Variants in AMN1 observed in about 807,000 individuals in gnomAD.
The protein encoded by AMN1 is protein AMN1 homolog.
AMN1 carries 20 observed loss-of-function variants against 33.0 expected under a neutral mutation model. The ratio of observed to expected loss-of-function variants is 0.61; its 90% confidence interval spans 0.43 to 0.88. The LOEUF is 0.88. AMN1 is among the 40% of genes least tolerant of loss of function. AMN1 has a pLI of 0.00. For synonymous variants in AMN1, 114 were observed against 111.9 expected (o/e 1.02, Z -0.12); for missense variants, 246 against 307.4 (o/e 0.80, Z 1.49).
chr12:31,712,600 C>A (rs11051543), intron 1 of AMN1, among the ~76,000 whole-genome samples: 1 of 151,856 alleles, frequency 6.6e-6, no homozygotes, highest in South Asian at 2.1e-4. Context: ...ATGTATTATA[C>A]CACATTTTCT....
intron 3 of AMN1, among the ~76,000 whole-genome samples, chr12:31,700,605 C>G (rs538264711): frequency 1.3e-5 from 2 of 151,788 alleles, no homozygotes. Context: ...ATGAACTGGT[C>G]ATTTCTTCTT....
chr12:31,705,914 T>A (rs1939215605), intron 2 of AMN1, among the ~76,000 whole-genome samples: 1 of 152,086 alleles, frequency 6.6e-6, no homozygotes, highest in South Asian at 2.1e-4. Context: ...CAAGTTCCAT[T>A]CTATAAAATC....
chr12:31,689,733 C>T (rs1217063328), intron 5 of AMN1, among the ~76,000 whole-genome samples: 1 of 152,154 alleles, frequency 6.6e-6, no homozygotes, highest in Non-Finnish European at 1.5e-5. Flanking sequence ...CCCAAATGTC[C>T]ATCAAATGAT....
chr12:31,706,176 G>A (rs1939228101), intron 2 of AMN1, among the ~76,000 whole-genome samples: 1 of 151,888 alleles, frequency 6.6e-6, no homozygotes, highest in Non-Finnish European at 1.5e-5. Flanking sequence ...GCTGGGTGTG[G>A]TGGCGGGCGC....
At chr12:31,681,110 A>C (rs2139658589) in intron 6 of AMN1, among the ~76,000 whole-genome samples, 1 of 152,310 alleles carries the variant, frequency 6.6e-6, no homozygotes, top group East Asian at 1.9e-4. Flanking sequence ...AAATTTCTTC[A>C]GCTTTTTTCT....
At position 31,682,501 on chromosome 12, in the gene AMN1, A is replaced by C. The variant is rs566208159; in HGVS notation, c.703+6506T>G. ...TGTGTCATGACGTTGTTTAGCAGCA[A>C]GATCGGCGGGGCGGGTGGGGGGGTG... is the stretch of plus-strand genomic sequence containing the variant. On this transcript the variant is annotated intron_variant, in intron 6 of 6. Transcript: ENST00000281471. Among the ~76,000 whole-genome samples the C allele has an allele frequency of 1.3e-3, 59 of 44,224 alleles. 1 individual carries two copies. Among genetic ancestry groups the C allele is most frequent in the African/African-American group, 4.6e-3 (54 of 11,650 alleles). 29.0% of individuals were successfully genotyped at this position (44,224 alleles called of 152,430 possible). A position where few individuals can be genotyped will look rare whatever the true frequency, so the allele number is the denominator to read the frequency against.
At position 31,672,203 on chromosome 12, in the gene AMN1, A is replaced by G; in HGVS notation, c.*101T>C. ...TAACTTAAGACAATAAAATAATTAAAAATAGTGTTAACATTAAGTAGAATG... is the reference window on the plus strand; with the variant it reads ...TAACTTAAGACAATAAAATAATTAAGAATAGTGTTAACATTAAGTAGAATG... On this transcript the variant is annotated 3_prime_UTR_variant, in exon 7 of 7. Coordinates refer to ENST00000281471, the MANE Select transcript of AMN1 (RefSeq NM_001113402.2). The G allele has an allele frequency of 1.3e-6, 1 of 768,884 alleles. No individual in the cohort carries two copies. Among genetic ancestry groups the G allele is most frequent in the South Asian group, 1.7e-5 (1 of 59,794 alleles). The allele number at this position is 768,884 out of a possible 1,614,324, so 47.6% of individuals were successfully genotyped here. A position where few individuals can be genotyped will look rare whatever the true frequency, so the allele number is the denominator to read the frequency against.
chr12:31,671,234 A>C lies in AMN1; in HGVS notation c.*1070T>G, dbSNP rs1565754823. The stretch of plus-strand genomic sequence containing the variant: ...CCTTACCCATTTTGCACATATATAC[A>C]TATGCACCACCTTTGCAGTGGCAAC... On this transcript the variant is annotated 3_prime_UTR_variant, in exon 7 of 7. Transcript: ENST00000281471. 1.3e-5 allele frequency: 2 copies of C among 152,234 alleles called. No individual in the cohort carries two copies. The highest frequency in any genetic ancestry group is 2.9e-5 in the Non-Finnish European group (2 of 68,042). 9.4% of individuals were successfully genotyped at this position (152,234 alleles called of 1,614,324 possible). A position where few individuals can be genotyped will look rare whatever the true frequency, so the allele number is the denominator to read the frequency against.
At chr12:31,697,311 A>G in intron 5 of AMN1, 50 bp downstream of exon 5, 1 of 1,506,064 alleles carries the variant, frequency 6.6e-7, no homozygotes, top group Non-Finnish European at 9.2e-7. Context: ...ATAATTTCTA[A>G]GAATATAAAA....
chr12:31,692,468 CG>C (rs1486321739), intron 5 of AMN1, among the ~76,000 whole-genome samples: 3 of 146,112 alleles, frequency 2.1e-5, no homozygotes, highest in African/African-American at 5.0e-5. Context: ...AAAAAACAAA[CG>C]AAAAAAAACA....
rs1026066190 is a variant in AMN1 at position 31,683,448 on chromosome 12, T to C, written c.703+5559A>G. ...TTACTTTTTAAAAGAATGATTGATA[T>C]GGTTTGACTGTGTCGCCACCCAAAT... On this transcript the variant is annotated intron_variant, in intron 6 of 6. Transcript: ENST00000281471. This position sits in a 1 kb window ranked among gnomAD's most constrained non-coding sequence, Gnocchi z 4.1. Among the ~76,000 whole-genome samples the C allele has an allele frequency of 6.6e-6, 1 of 152,228 alleles. No homozygotes were observed. The highest frequency in any genetic ancestry group is 1.5e-5 in the Non-Finnish European group (1 of 68,046).
At chr12:31,679,078 G>A (rs1055151724) in intron 6 of AMN1, among the ~76,000 whole-genome samples, 1 of 152,146 alleles carries the variant, frequency 6.6e-6, no homozygotes, top group Non-Finnish European at 1.5e-5. Flanking sequence ...AGAGGCCAAC[G>A]TGGGTGGATC....
rs532300015 is a variant in AMN1 at position 31,723,228 on chromosome 12, A to G, written c.38+5743T>C. Among the ~76,000 whole-genome samples, 26 of 152,194 alleles carry G rather than the reference A, an allele frequency of 1.7e-4. No homozygotes were observed. The South Asian group carries it at 5.2e-3, about 30-fold the overall frequency. On this transcript the variant is annotated intron_variant, in intron 1 of 6. Coordinates refer to ENST00000281471, the MANE Select transcript of AMN1 (RefSeq NM_001113402.2). ...CTGACACACACACAAACACACACGC[A>G]CACACACACCACCCCTGGGGCTATT...
intron 3 of AMN1, among the ~76,000 whole-genome samples, chr12:31,700,152 TTA>T (rs1491357723): frequency 3.4e-5 from 5 of 147,496 alleles, no homozygotes; most frequent in Admixed American, 1.3e-4. Flanking sequence ...TTTCTTATAT[TTA>T]AAAAAAAAAA....
chr12:31,701,875 C>T lies in AMN1; in HGVS notation c.304G>A (p.Val102Ile), dbSNP rs776981108. 9 of 1,600,048 alleles carry T rather than the reference C, an allele frequency of 5.6e-6. No individual in the cohort carries two copies. The African/African-American group carries it at 9.5e-5, about 17-fold the overall frequency. Residue 102 changes from valine to isoleucine, a missense_variant, in exon 3 of 7, where the codon GTA becomes ATA. By Grantham distance (29) the Val-to-Ile change is conservative (BLOSUM62 3). Transcript: ENST00000281471. ...TTAATAAACATACCTTCTGAAGTTACAGAAACTCGGTTCCCTTTTGAAGCA... is the reference window on the plus strand; with the variant it reads ...TTAATAAACATACCTTCTGAAGTTATAGAAACTCGGTTCCCTTTTGAAGCA... ...LNASKGNRVSVTSEGIKAVAS... is the reference protein window; with the variant it reads ...LNASKGNRVSITSEGIKAVAS...
chr12:31,719,039 C>A (rs764758607), intron 1 of AMN1, among the ~76,000 whole-genome samples: 16 of 152,228 alleles, frequency 1.1e-4, no homozygotes, highest in Non-Finnish European at 2.1e-4. Flanking sequence ...TTGGGAAGAC[C>A]GTGGGAAAAG....
Position 31,697,964 on chromosome 12 carries a change from G to A in AMN1, c.317-7C>T, listed in dbSNP as rs1565771771. On this transcript the variant is annotated splice_region_variant and splice_polypyrimidine_tract_variant and intron_variant, in intron 3 of 6. Transcript: ENST00000281471. ...GAAGCCACAGCTTTTATTCCTGGGG[G>A]AAAATATAATTATATATCAATGAGC... 6.2e-7 allele frequency: 1 copy of A among 1,612,764 alleles called. No homozygotes were observed.
intron 6 of AMN1, among the ~76,000 whole-genome samples, chr12:31,685,829 A>G: frequency 6.6e-6 from 1 of 151,064 alleles, no homozygotes; most frequent in African/African-American, 2.4e-5. Flanking sequence ...GAAAGAAAAA[A>G]GGAATGCTCA....
At chr12:31,688,079 C>T (rs1013723422) in intron 6 of AMN1, among the ~76,000 whole-genome samples, 7 of 152,214 alleles carry the variant, frequency 4.6e-5, no homozygotes, top group South Asian at 4.1e-4. Flanking sequence ...CTCAATCTCC[C>T]GAGTAGCTGG....
Sources: allele counts gnomAD v4.1 joint callset (sites outside exome capture counted in the v4.1 genomes callset), GRCh38; gene constraint gnomAD v4.1.1; non-coding constraint Gnocchi (gnomAD v3.1); transcripts MANE v1.5; gene names NCBI Gene and HGNC (gene_info 2026-07-23, HGNC 2026-07-21).